Variants in USP6NL observed in about 807,000 individuals in gnomAD.
The protein encoded by USP6NL is USP6 N-terminal-like protein.
Under a neutral mutation model 61.9 loss-of-function variants are expected in USP6NL, and 26 were observed. That is an observed-to-expected ratio of 0.42 (90% CI 0.31 to 0.58). The LOEUF (loss-of-function observed/expected upper bound fraction) is 0.58. Among genes scored for constraint, USP6NL ranks in the 20% least tolerant of loss-of-function variants. The pLI, the probability that USP6NL is intolerant of heterozygous loss-of-function variation, is 0.16. For synonymous variants in USP6NL, 432 were observed against 390.1 expected, an observed-to-expected ratio of 1.11 and a Z score of -1.27; for missense variants, 1,114 against 1,034.3, an observed-to-expected ratio of 1.08 and a Z score of -1.06.
intron 2 of USP6NL, among the ~76,000 whole-genome samples, chr10:11,590,828 T>C (rs1838138794): frequency 6.6e-6 from 1 of 152,110 alleles, no homozygotes; most frequent in African/African-American, 2.4e-5. Context: ...GCATTTGGAA[T>C]CATGGTACTT....
At position 11,462,680 on chromosome 10, in the gene USP6NL, G is replaced by A; in HGVS notation, c.2248C>T (p.Gln750Ter). The change falls in exon 15 of 15, where the codon CAA becomes TAA. Residue 750 changes from glutamine (Q) to a stop codon, truncating the protein, a stop_gained. Coordinates refer to ENST00000609104, the MANE Select transcript of USP6NL (RefSeq NM_014688.5). LOFTEE classifies it low-confidence loss of function (END_TRUNC). The part of the protein sequence containing the change: ...SYTYRPETQG[Q>*]SWTRDASRGN... ...CGGCTAGCATCTCGGGTCCATGATT[G>A]TCCCTGCGTCTCAGGTCTGTATGTA... The A allele has an allele frequency of 1.2e-6, 2 of 1,613,984 alleles. No homozygotes were observed. Among genetic ancestry groups the A allele is most frequent in the South Asian group, 2.2e-5 (2 of 91,084 alleles).
At chr10:11,568,130 T>A (rs1294052599) in intron 2 of USP6NL, among the ~76,000 whole-genome samples, 1 of 150,536 alleles carries the variant, frequency 6.6e-6, no homozygotes, top group Middle Eastern at 3.2e-3. Flanking sequence ...GATGTATCAA[T>A]GTGTGTGTCG....
rs976835522 is a variant in USP6NL, at chr10:11,532,121, C to T, written c.5-4554G>A. On this transcript the variant is annotated intron_variant, in intron 2 of 14. Coordinates refer to ENST00000609104, the MANE Select transcript of USP6NL (RefSeq NM_014688.5). This position sits in a 1 kb window ranked among gnomAD's most constrained non-coding sequence, Gnocchi z 4.1. ...ACAGCAGACCATTTTTCCTAGAGTA[C>T]ATTTTGACAGATGAACGTTAAAAAT... 2 of 1,268,418 alleles carry T rather than the reference C, an allele frequency of 1.6e-6. No homozygotes were observed. Among genetic ancestry groups the T allele is most frequent in the African/African-American group, 1.5e-5 (1 of 66,350 alleles). 78.6% of individuals were successfully genotyped at this position (1,268,418 alleles called of 1,614,324 possible).
In USP6NL at chr10:11,562,050, G is replaced by A. The variant is rs2133536278; in HGVS notation, c.5-34483C>T. On this transcript the variant is annotated intron_variant, in intron 2 of 14. Coordinates refer to ENST00000609104, the MANE Select transcript of USP6NL (RefSeq NM_014688.5). The surrounding 1 kb of genome is among the most constrained non-coding windows in gnomAD (Gnocchi z 4.8). ...AATCCCAGCACTTTGTGAGGCCAAG[G>A]CAGGCAGATCACGAGGTCAGGAGTT... Among the ~76,000 whole-genome samples, 2 of 152,260 alleles carry A rather than the reference G, an allele frequency of 1.3e-5. No homozygotes were observed. Among genetic ancestry groups the A allele is most frequent in the East Asian group, 3.9e-4 (2 of 5,182 alleles).
rs532421174 is a variant in USP6NL at position 11,520,785 on chromosome 10, G to A, written c.156-2211C>T. Among the ~76,000 whole-genome samples the A allele has an allele frequency of 1.3e-5, 2 of 152,212 alleles. No homozygotes were observed. Among genetic ancestry groups the A allele is most frequent in the Non-Finnish European group, 2.9e-5 (2 of 68,034 alleles). On this transcript the variant is annotated intron_variant, in intron 4 of 14. Coordinates refer to ENST00000609104, the MANE Select transcript of USP6NL (RefSeq NM_014688.5). This position sits in a 1 kb window ranked among gnomAD's most constrained non-coding sequence, Gnocchi z 5.2. ...TATTGTCTCTGGTTGTTTTCATGCTGCAACAGCAGGGTTAAGCAGTTGTGA... is the reference window on the plus strand; with the variant it reads ...TATTGTCTCTGGTTGTTTTCATGCTACAACAGCAGGGTTAAGCAGTTGTGA...
chr10:11,559,165 T>C (rs540964316), intron 2 of USP6NL, among the ~76,000 whole-genome samples: 1 of 152,164 alleles, frequency 6.6e-6, no homozygotes, highest in African/African-American at 2.4e-5. Flanking sequence ...AGGTACTACA[T>C]ATGCAGTATA....
Position 11,478,094 on chromosome 10 carries a change from G to A in USP6NL, c.1078+3676C>T, listed in dbSNP as rs1281678905. Among the ~76,000 whole-genome samples, 1 of 152,198 alleles carries A rather than the reference G, an allele frequency of 6.6e-6. No individual in the cohort carries two copies. The highest frequency in any genetic ancestry group is 2.4e-5 in the African/African-American group (1 of 41,458). On this transcript the variant is annotated intron_variant, in intron 14 of 14. Transcript: ENST00000609104. This position sits in a 1 kb window ranked among gnomAD's most constrained non-coding sequence, Gnocchi z 6.8. ...AAATATTATTAAAAGGATACCAAGA[G>A]TTTTCCTAACCAGTTAGAAAGAAAT...
At chr10:11,580,976 G>C (rs1164071868) in intron 2 of USP6NL, among the ~76,000 whole-genome samples, 1 of 151,846 alleles carries the variant, frequency 6.6e-6, no homozygotes, top group Non-Finnish European at 1.5e-5. Context: ...CAAGAGTACT[G>C]GTATAATTCT....
At position 11,501,197 on chromosome 10, in the gene USP6NL, T is replaced by A. The variant is rs1425837873; in HGVS notation, c.288A>T (p.Arg96=). 6.2e-7 allele frequency: 1 copy of A among 1,609,474 alleles called. No individual in the cohort carries two copies. Among genetic ancestry groups the A allele is most frequent in the East Asian group, 2.2e-5 (1 of 44,838 alleles). ...KYKNTEKFHR[R]IYKGIPLQLR... ...GCTGGAGTGGTATTCCTTTGTAAAT[T>A]CGCCTATGAAACTTATTAAAAGAAA... is the stretch of plus-strand genomic sequence containing the variant. Residue 96 remains arginine, a synonymous_variant, in exon 7 of 15, where the codon CGA becomes CGT. Transcript: ENST00000609104.
At chr10:11,521,848 T>A (rs1454380396) in intron 4 of USP6NL, among the ~76,000 whole-genome samples, 1 of 152,246 alleles carries the variant, frequency 6.6e-6, no homozygotes, top group Non-Finnish European at 1.5e-5. Flanking sequence ...TGGTATGACT[T>A]CCTTCTAATT....
In USP6NL at chr10:11,495,809, T is replaced by C. The variant is rs1338354166; in HGVS notation, c.385-2581A>G. On this transcript the variant is annotated intron_variant, in intron 7 of 14. Coordinates refer to ENST00000609104, the MANE Select transcript of USP6NL (RefSeq NM_014688.5). This position sits in a 1 kb window ranked among gnomAD's most constrained non-coding sequence, Gnocchi z 4.6. ...CACTTGTCTTTCACGTTAGCTCCCT[T>C]CTTCAAATGAACAGCAAAACTTCGT... 6.6e-6 allele frequency among the ~76,000 whole-genome samples: 1 copy of C among 152,224 alleles called. No individual in the cohort carries two copies. Among genetic ancestry groups the C allele is most frequent in the Non-Finnish European group, 1.5e-5 (1 of 68,034 alleles).
chr10:11,469,445 C>T (rs990920155), intron 14 of USP6NL, among the ~76,000 whole-genome samples: 28 of 151,988 alleles, frequency 1.8e-4, no homozygotes, highest in African/African-American at 6.8e-4. Flanking sequence ...TAGCAGGGTT[C>T]GGGGGGGAAG....
At chr10:11,564,584 C>T (rs1423966633) in intron 2 of USP6NL, 1 of 152,186 alleles carries the variant, frequency 6.6e-6, no homozygotes, top group Non-Finnish European at 1.5e-5. Flanking sequence ...AAGCTCACAG[C>T]TTAATAAAGG....
rs537513191 is a variant in USP6NL, at chr10:11,537,843, C to T, written c.5-10276G>A. Among the ~76,000 whole-genome samples the T allele has an allele frequency of 1.3e-5, 2 of 152,032 alleles. No individual in the cohort carries two copies. Among genetic ancestry groups the T allele is most frequent in the East Asian group, 1.9e-4 (1 of 5,172 alleles). ...CTATTGCCCAAATGATTTCCCTTCC[C>T]GTCAGCTTCCCAGCTGCCACCTCAG... On this transcript the variant is annotated intron_variant, in intron 2 of 14. Transcript: ENST00000609104. The surrounding 1 kb of genome is among the most constrained non-coding windows in gnomAD (Gnocchi z 5.1).
At position 11,509,691 on chromosome 10, in the gene USP6NL, AATTC is replaced by A. The variant is rs1266909775; in HGVS notation, c.196-20_196-17del. 5.8e-6 allele frequency: 9 copies of A among 1,541,614 alleles called. No homozygotes were observed. In the African/African-American group the frequency reaches 1.2e-4, roughly 21 times the overall value. On this transcript the variant is annotated splice_polypyrimidine_tract_variant and intron_variant, in intron 5 of 14. Coordinates refer to ENST00000609104, the MANE Select transcript of USP6NL (RefSeq NM_014688.5). ...GGTGCTTTTGCTAAAATAAAATTGA[AATTC>A]ATTGTTATTGTTGTTCGTTTCTTTA...
chr10:11,593,421 A>T (rs960441190), intron 2 of USP6NL, among the ~76,000 whole-genome samples: 1 of 152,300 alleles, frequency 6.6e-6, no homozygotes, highest in Non-Finnish European at 1.5e-5. Flanking sequence ...GTGACCATTT[A>T]TATTATGGAT....
rs1439352707 is a variant in USP6NL at position 11,482,161 on chromosome 10, C to T, written c.926-239G>A. 6.6e-6 allele frequency among the ~76,000 whole-genome samples: 1 copy of T among 152,132 alleles called. No homozygotes were observed. Among genetic ancestry groups the T allele is most frequent in the African/African-American group, 2.4e-5 (1 of 41,424 alleles). On this transcript the variant is annotated intron_variant, in intron 13 of 14. Transcript: ENST00000609104. This position sits in a 1 kb window ranked among gnomAD's most constrained non-coding sequence, Gnocchi z 4.0. ...TGGGAGAAAGGATGGGAGGAGAATA[C>T]TGCCTAATACTTCCTCATTGGAATA...
rs186913297 is a variant in USP6NL, at chr10:11,573,326, C to T, written c.4+24305G>A. 36 of 256,432 alleles carry T rather than the reference C, an allele frequency of 1.4e-4. No homozygotes were observed. In the East Asian group the frequency reaches 1.8e-3, roughly 13 times the overall value. 15.9% of individuals were successfully genotyped at this position (256,432 alleles called of 1,614,324 possible). A position where few individuals can be genotyped will look rare whatever the true frequency, so the allele number is the denominator to read the frequency against. On this transcript the variant is annotated intron_variant, in intron 2 of 14. Transcript: ENST00000609104. ...TCCAAAATACATAATGCAAGAGGAT[C>T]TTTAAAACATGAAAAGTACTATTAC...
At chr10:11,501,699 T>C (rs1834203967) in intron 6 of USP6NL, among the ~76,000 whole-genome samples, 1 of 152,176 alleles carries the variant, frequency 6.6e-6, no homozygotes, top group South Asian at 2.1e-4. Flanking sequence ...CTCACTGGTC[T>C]CTCAGAAGAT....
Sources: gnomAD v4.1 joint callset for allele counts (sites outside exome capture counted in the v4.1 genomes callset) on GRCh38, gnomAD v4.1.1 for gene constraint, Gnocchi (gnomAD v3.1) non-coding constraint, MANE v1.5 for transcripts, NCBI Gene and HGNC (gene_info 2026-07-23, HGNC 2026-07-21) for gene names.